The following UBE3A variants were observed in gnomAD, a reference collection of about 807,000 sequenced individuals.
UBE3A encodes the protein ubiquitin-protein ligase E3A.
Under a neutral mutation model 83.4 loss-of-function variants are expected in UBE3A, and 6 were observed. The observed-to-expected ratio is 0.07, with a 90% CI of 0.04 to 0.14. The LOEUF (loss-of-function observed/expected upper bound fraction) is 0.14, where lower values mean the gene tolerates loss of function less well. Among genes scored for constraint, UBE3A ranks in the 10% least tolerant of loss-of-function variants. The pLI, the probability that UBE3A is intolerant of heterozygous loss-of-function variation, is 1.00. For missense variants in UBE3A, 456 were observed against 1,036.1 expected, an observed-to-expected ratio of 0.44 and a Z score of 7.69; for synonymous variants, 337 against 355.4, an observed-to-expected ratio of 0.95 and a Z score of 0.58.
intron 1 of UBE3A, among the ~76,000 whole-genome samples, chr15:25,430,794 A>G (rs1371290880): frequency 2.0e-5 from 3 of 152,176 alleles, no homozygotes; most frequent in Non-Finnish European, 4.4e-5. Flanking sequence ...AAATTATTTA[A>G]TATCAGTTGA....
chr15:25,386,782 G>C (rs2083234356), intron 4 of UBE3A, among the ~76,000 whole-genome samples: 1 of 151,932 alleles, frequency 6.6e-6, no homozygotes, highest in Admixed American at 6.6e-5. Context: ...AAGAAAAAGA[G>C]TGAAATATTC....
At chr15:25,397,989 T>G (rs2085963875) in intron 4 of UBE3A, among the ~76,000 whole-genome samples, 1 of 151,908 alleles carries the variant, frequency 6.6e-6, no homozygotes. Flanking sequence ...TTGTAAGAGT[T>G]TCACTCATAC....
chr15:25,364,109 C>T (rs192992137), intron 6 of UBE3A, among the ~76,000 whole-genome samples: 109 of 151,522 alleles, frequency 7.2e-4, no homozygotes, highest in Admixed American at 1.7e-3. Flanking sequence ...GCCTGTCATC[C>T]CAGCTACTTG....
rs2074050685 is a variant in UBE3A at position 25,337,607 on chromosome 15, T to A, written c.*1530A>T. 1 of 152,232 alleles carries A rather than the reference T, an allele frequency of 6.6e-6. No individual in the cohort carries two copies. The highest frequency in any genetic ancestry group is 2.4e-5 in the African/African-American group (1 of 41,560). The allele number at this position is 152,232 out of a possible 1,614,324, so 9.4% of individuals were successfully genotyped here. On this transcript the variant is annotated 3_prime_UTR_variant, in exon 13 of 13. Transcript: ENST00000648336. ...GACATCCTTTTTCTCCCCCCAATGA[T>A]TTGAAAGCTGCATTTTTCCTGCCAA...
intron 4 of UBE3A, among the ~76,000 whole-genome samples, chr15:25,402,249 C>G (rs902826178): frequency 6.6e-6 from 1 of 152,198 alleles, no homozygotes; most frequent in South Asian, 2.1e-4. Context: ...TCTACCGGGG[C>G]TGGCCTGGAG....
rs1428292360 is a variant in UBE3A, at chr15:25,364,071, T to TAAATAAATAAAA, written c.1609-3545_1609-3544insTTTTATTTATTT. ...ATAAATAAATAAATAAATAAATAAATAAAAAATAGTGGGGGGTGGTGGCAT... is the reference window on the plus strand; with the variant it reads ...ATAAATAAATAAATAAATAAATAAATAAATAAATAAAAAAAAAATAGTGGGGGGTGGTGGCAT... On this transcript the variant is annotated intron_variant, in intron 6 of 12. Coordinates refer to ENST00000648336, the MANE Select transcript of UBE3A (RefSeq NM_130839.5). Among the ~76,000 whole-genome samples the TAAATAAATAAAA allele has an allele frequency of 4.1e-4, 62 of 150,610 alleles. 1 individual carries two copies. The highest frequency in any genetic ancestry group is 1.9e-3 in the Admixed American group (29 of 15,132).
chr15:25,381,679 C>G (rs962703219), intron 4 of UBE3A, among the ~76,000 whole-genome samples: 3 of 152,166 alleles, frequency 2.0e-5, no homozygotes, highest in Admixed American at 2.0e-4. Flanking sequence ...TAAGTGGAGT[C>G]TCTTTGTTCT....
intron 1 of UBE3A, among the ~76,000 whole-genome samples, chr15:25,434,156 A>G (rs1248860187): frequency 2.6e-5 from 4 of 152,228 alleles, no homozygotes; most frequent in Admixed American, 2.6e-4. Context: ...TTCTTTTTGA[A>G]TTATTATCCA....
At chr15:25,396,680 CA>C (rs2085648417) in intron 4 of UBE3A, among the ~76,000 whole-genome samples, 1 of 152,058 alleles carries the variant, frequency 6.6e-6, no homozygotes. Context: ...GTAAAATAAA[CA>C]TACGAATAAA....
intron 6 of UBE3A, among the ~76,000 whole-genome samples, chr15:25,369,993 A>G (rs886314155): frequency 6.6e-6 from 1 of 152,140 alleles, no homozygotes; most frequent in African/African-American, 2.4e-5. Context: ...TGAATTTTTA[A>G]GTGGGAAGAA....
chr15:25,354,717 A>AT (rs1321534940), intron 9 of UBE3A, 34 bp from the exon 10 acceptor site: 2 of 1,590,308 alleles, frequency 1.3e-6, no homozygotes, highest in Admixed American at 1.7e-5. Context: ...AACTTCTTAT[A>AT]ATATGCTATG....
chr15:25,432,933 T>C (rs1249848147), intron 1 of UBE3A, among the ~76,000 whole-genome samples: 2 of 152,328 alleles, frequency 1.3e-5, no homozygotes, highest in East Asian at 1.9e-4. Context: ...AAATGAACTA[T>C]AGGAATAATC....
chr15:25,355,841 C>G (rs766668640), intron 9 of UBE3A, 51 bp downstream of exon 9: 1 of 1,538,568 alleles, frequency 6.5e-7, no homozygotes, highest in South Asian at 1.1e-5. Context: ...AGCATACATG[C>G]TTTGAAAGTG....
chr15:25,406,714 ACG>A lies in UBE3A; in HGVS notation c.21-1214_21-1213del, dbSNP rs1258585680. Among the ~76,000 whole-genome samples the A allele has an allele frequency of 1.4e-3, 212 of 147,514 alleles. 1 individual carries two copies. The highest frequency in any genetic ancestry group is 5.3e-3 in the African/African-American group (205 of 38,368). On this transcript the variant is annotated intron_variant, in intron 3 of 12. Transcript: ENST00000648336. ...CACACACACACACACACACACACACACGCACACACACAAACCTGTTTTCTAAA... is the reference window on the plus strand; with the variant it reads ...CACACACACACACACACACACACACACACACACACAAACCTGTTTTCTAAA...
Position 25,371,688 on chromosome 15 carries a change from C to T in UBE3A, c.486G>A (p.Gln162=), listed in dbSNP as rs1360686874. The change falls in exon 6 of 13, where the codon CAG becomes CAA. Residue 162 remains glutamine, a synonymous_variant. Transcript: ENST00000648336. The surrounding 1 kb of genome is among the most constrained non-coding windows in gnomAD (Gnocchi z 5.3). ...TGTGTTGTTTAACTTTCCGGAAGCT[C>T]TGTACCAATGCCTCAGCACTAGAAA... ...RVFSSAEALV[Q]SFRKVKQHTK... 5 of 1,614,062 alleles carry T rather than the reference C, an allele frequency of 3.1e-6. No individual in the cohort carries two copies. The East Asian group carries it at 1.1e-4, about 36-fold the overall frequency.
intron 1 of UBE3A, among the ~76,000 whole-genome samples, chr15:25,428,760 G>A (rs1389966231): frequency 1.3e-5 from 2 of 152,092 alleles, no homozygotes; most frequent in Non-Finnish European, 2.9e-5. Flanking sequence ...ACAATCCCAA[G>A]TATGGGTGAG....
In UBE3A at chr15:25,333,895, CCTTT is replaced by C. The variant is rs1472077531; in HGVS notation, c.*5238_*5241del. 1.6e-5 allele frequency: 2 copies of C among 124,722 alleles called. No homozygotes were observed. Among genetic ancestry groups the C allele is most frequent in the African/African-American group, 8.3e-5 (2 of 24,152 alleles). 7.7% of individuals were successfully genotyped at this position (124,722 alleles called of 1,614,324 possible). ...GCATTTAACAAAACCCACAGCCCCTCCTTTTTTTTTTTTTGATTAAAAAACACTC... is the reference window on the plus strand; with the variant it reads ...GCATTTAACAAAACCCACAGCCCCTCTTTTTTTTTTGATTAAAAAACACTC... On this transcript the variant is annotated 3_prime_UTR_variant, in exon 13 of 13. Coordinates refer to ENST00000648336, the MANE Select transcript of UBE3A (RefSeq NM_130839.5).
chr15:25,354,085 C>T, intron 11 of UBE3A: 1 of 525,284 alleles, frequency 1.9e-6, no homozygotes. Context: ...AGTAAGCATA[C>T]TCTAACCAGT....
intron 3 of UBE3A, among the ~76,000 whole-genome samples, 174 bp downstream of exon 3, chr15:25,408,914 A>G (rs1022981341): frequency 3.9e-5 from 6 of 152,150 alleles, no homozygotes; most frequent in African/African-American, 1.4e-4. Flanking sequence ...TGATATTTTT[A>G]ATGAGAAAAA....
Sources: gnomAD v4.1 joint callset for allele counts (sites outside exome capture counted in the v4.1 genomes callset) on GRCh38, gnomAD v4.1.1 for gene constraint, Gnocchi (gnomAD v3.1) non-coding constraint, MANE v1.5 for transcripts, NCBI Gene and HGNC (gene_info 2026-07-23, HGNC 2026-07-21) for gene names.